The following TACC1 variants were observed in gnomAD, a reference collection of about 807,000 sequenced individuals.
TACC1 encodes the protein transforming acidic coiled-coil containing protein 1.
TACC1 carries 48 observed loss-of-function variants against 84.4 expected under a neutral mutation model. The ratio of observed to expected loss-of-function variants is 0.57; its 90% CI spans 0.45 to 0.72. The LOEUF is 0.72. TACC1 is among the 30% of genes least tolerant of loss of function. TACC1 has a pLI of 0.00. For synonymous variants in TACC1, 372 were observed against 376.3 expected (o/e 0.99, Z 0.13); for missense variants, 920 against 973.0 (o/e 0.95, Z 0.72).
chr8:38,797,295 A>G (rs1247486247), intron 2 of TACC1, among the ~76,000 whole-genome samples: 1 of 152,240 alleles, frequency 6.6e-6, no homozygotes, highest in Admixed American at 6.5e-5. Flanking sequence ...GGTGAGACAT[A>G]TAGGGGCCGT....
intron 3 of TACC1, among the ~76,000 whole-genome samples, chr8:38,775,895 T>C (rs1563397789): frequency 6.6e-6 from 1 of 152,174 alleles, no homozygotes; most frequent in African/African-American, 2.4e-5. Context: ...CATAGTTCTA[T>C]AAAATAATAC....
intron 6 of TACC1, among the ~76,000 whole-genome samples, chr8:38,832,484 T>C (rs983306192): frequency 2.7e-4 from 41 of 152,352 alleles, no homozygotes; most frequent in African/African-American, 9.6e-4. Flanking sequence ...TGAATAAACA[T>C]TGTATAAAGA....
intron 11 of TACC1, chr8:38,843,629 G>C (rs931235301): frequency 3.5e-6 from 1 of 288,626 alleles, no homozygotes; most frequent in African/African-American, 2.2e-5. Context: ...CACCATTGTT[G>C]GTTTCTGTTT....
chr8:38,759,105 A>T lies in TACC1; in HGVS notation c.26+13612A>T, dbSNP rs572506213. ...AAACAAACAGGAGAGGCAATATAAC[A>T]TTGAGATGAAGTTAAGAGTTTGGGA... On this transcript the variant is annotated intron_variant, in intron 3 of 14. Coordinates refer to the TACC1 transcript ENST00000518415. 3.9e-5 allele frequency among the ~76,000 whole-genome samples: 6 copies of T among 152,316 alleles called. No homozygotes were observed. The South Asian group carries it at 1.2e-3, about 32-fold the overall frequency.
intron 2 of TACC1, among the ~76,000 whole-genome samples, chr8:38,799,372 G>T (rs1386304904): frequency 6.6e-6 from 1 of 152,240 alleles, no homozygotes; most frequent in Non-Finnish European, 1.5e-5. Flanking sequence ...TTGAGCATCA[G>T]CTCTGTCTTG....
chr8:38,749,673 C>T (rs754160867), intron 3 of TACC1, among the ~76,000 whole-genome samples: 2 of 152,020 alleles, frequency 1.3e-5, no homozygotes, highest in Non-Finnish European at 2.9e-5. Flanking sequence ...CTCACTGTAA[C>T]CTCTGCCTCC....
chr8:38,765,200 T>A (rs1004858648), intron 3 of TACC1, among the ~76,000 whole-genome samples: 3 of 152,062 alleles, frequency 2.0e-5, no homozygotes, highest in African/African-American at 7.3e-5. Context: ...TTCTGCCTCA[T>A]TAAACCTCCT....
At chr8:38,735,113 G>T (rs1805715488) in intron 1 of TACC1, among the ~76,000 whole-genome samples, 1 of 152,226 alleles carries the variant, frequency 6.6e-6, no homozygotes, top group Non-Finnish European at 1.5e-5. Context: ...AGGACTTGAG[G>T]CACGCATCAG....
intron 1 of TACC1, chr8:38,788,434 G>A: frequency 3.0e-6 from 1 of 336,790 alleles, no homozygotes; most frequent in Non-Finnish European, 5.5e-6. Flanking sequence ...GGTGTCTGAG[G>A]GAAGGATGAC....
intron 3 of TACC1, chr8:38,757,214 A>AC: frequency 5.9e-5 from 8 of 134,506 alleles, no homozygotes; most frequent in South Asian, 1.0e-4. Flanking sequence ...CGGGCGCCCC[A>AC]CCCCGCCCTC....
At chr8:38,805,032 C>A (rs1334324973) in intron 2 of TACC1, among the ~76,000 whole-genome samples, 1 of 152,200 alleles carries the variant, frequency 6.6e-6, no homozygotes, top group Non-Finnish European at 1.5e-5. Context: ...TGAGAGATAG[C>A]AGAACATAGA....
At chr8:38,768,254 G>T (rs1439597713) in intron 3 of TACC1, among the ~76,000 whole-genome samples, 2 of 152,206 alleles carry the variant, frequency 1.3e-5, no homozygotes, top group East Asian at 1.9e-4. Flanking sequence ...GATTCACAGA[G>T]AACTTTCTGT....
At chr8:38,771,313 T>TG (rs758835560) in intron 3 of TACC1, among the ~76,000 whole-genome samples, 1 of 151,926 alleles carries the variant, frequency 6.6e-6, no homozygotes, top group Non-Finnish European at 1.5e-5. Flanking sequence ...GAATTGAAGA[T>TG]GGGGGGTGAT....
At chr8:38,742,791 T>A (rs1319100231) in intron 2 of TACC1, among the ~76,000 whole-genome samples, 2 of 152,208 alleles carry the variant, frequency 1.3e-5, no homozygotes, top group African/African-American at 2.4e-5. Flanking sequence ...CTCGGCTCAC[T>A]GCAACTTTCG....
At chr8:38,809,431 T>C (rs540333664) in intron 2 of TACC1, among the ~76,000 whole-genome samples, 14 of 152,286 alleles carry the variant, frequency 9.2e-5, no homozygotes, top group Admixed American at 4.6e-4. Context: ...TGCTCCTTTT[T>C]CTTTCCTCCC....
intron 5 of TACC1, among the ~76,000 whole-genome samples, chr8:38,830,218 G>A (rs1262550867): frequency 2.0e-5 from 3 of 152,114 alleles, no homozygotes; most frequent in African/African-American, 7.2e-5. Flanking sequence ...ACTTTTGTAT[G>A]CTTTTCTGTA....
chr8:38,769,200 G>C (rs1812931182), intron 3 of TACC1, among the ~76,000 whole-genome samples: 1 of 149,294 alleles, frequency 6.7e-6, no homozygotes, highest in African/African-American at 2.5e-5. Flanking sequence ...TGTGTGGTGT[G>C]TGTGATTGTG....
At chr8:38,803,709 C>T (rs1057337503) in intron 2 of TACC1, among the ~76,000 whole-genome samples, 1 of 152,042 alleles carries the variant, frequency 6.6e-6, no homozygotes, top group Admixed American at 6.6e-5. Flanking sequence ...ATAAAAGATG[C>T]TGGTCTGTAG....
intron 2 of TACC1, among the ~76,000 whole-genome samples, chr8:38,807,722 T>G (rs1416392957): frequency 6.6e-6 from 1 of 152,350 alleles, no homozygotes; most frequent in African/African-American, 2.4e-5. Flanking sequence ...ACATTTCCCC[T>G]CTTCTAAGAC....
Sources: allele counts gnomAD v4.1 joint callset (sites outside exome capture counted in the v4.1 genomes callset), GRCh38; gene constraint gnomAD v4.1.1; transcripts MANE v1.5; gene names NCBI Gene and HGNC (gene_info 2026-07-23, HGNC 2026-07-21).